Variants in GALNTL6 observed in about 807,000 individuals in gnomAD.
GALNTL6 encodes the protein polypeptide N-acetylgalactosaminyltransferase like 6, also known as polypeptide N-acetylgalactosaminyltransferase-like 6.
Under a neutral mutation model 73.7 loss-of-function variants are expected in GALNTL6, and 46 were observed. The observed-to-expected ratio is 0.62, with a 90% CI of 0.49 to 0.80. GALNTL6 has a LOEUF of 0.80. Among genes scored for constraint, GALNTL6 ranks in the 30% least tolerant of loss-of-function variants. The pLI, the probability that GALNTL6 is intolerant of heterozygous loss-of-function variation, is 0.00. For missense variants in GALNTL6, 604 were observed against 755.0 expected (o/e 0.80, Z 2.34); for synonymous variants, 259 against 263.7 (o/e 0.98, Z 0.17).
intron 2 of GALNTL6, among the ~76,000 whole-genome samples, chr4:171,958,917 A>G (rs966657020): frequency 1.3e-5 from 2 of 152,110 alleles, no homozygotes; most frequent in African/African-American, 2.4e-5. Flanking sequence ...GAAATGTCAA[A>G]AAGTATCTTA....
chr4:171,980,235 G>C (rs765615715), intron 2 of GALNTL6, among the ~76,000 whole-genome samples: 1 of 152,046 alleles, frequency 6.6e-6, no homozygotes, highest in African/African-American at 2.4e-5. Context: ...AGTAAACAGG[G>C]GTGGAAAAAT....
At chr4:173,011,058 G>A (rs1263552136) in intron 11 of GALNTL6, among the ~76,000 whole-genome samples, 1 of 152,072 alleles carries the variant, frequency 6.6e-6, no homozygotes, top group Non-Finnish European at 1.5e-5. Flanking sequence ...TTTCAACTGG[G>A]GTGAGATGAT....
At chr4:172,653,157 C>G (rs1579292279) in intron 5 of GALNTL6, among the ~76,000 whole-genome samples, 1 of 151,406 alleles carries the variant, frequency 6.6e-6, no homozygotes, top group East Asian at 1.9e-4. Context: ...CTGCGACTTT[C>G]TTCAACAAAT....
chr4:172,417,940 T>C (rs1202856177), intron 5 of GALNTL6, among the ~76,000 whole-genome samples: 1 of 152,182 alleles, frequency 6.6e-6, no homozygotes, highest in Non-Finnish European at 1.5e-5. Flanking sequence ...TCAAGTTTTT[T>C]TGAGTCTGTT....
intron 5 of GALNTL6, among the ~76,000 whole-genome samples, chr4:172,474,413 A>G (rs1160733496): frequency 6.6e-6 from 1 of 152,166 alleles, no homozygotes; most frequent in Non-Finnish European, 1.5e-5. Context: ...CTGTCTTCCT[A>G]TGGTAGAATG....
Position 172,037,208 on chromosome 4 carries a change from C to T in GALNTL6, c.139-192448C>T, listed in dbSNP as rs979842296. 2.0e-5 allele frequency among the ~76,000 whole-genome samples: 3 copies of T among 152,248 alleles called. 1 individual carries two copies. Among genetic ancestry groups the T allele is most frequent in the South Asian group, 4.2e-4 (2 of 4,818 alleles). ...CCCTGTCACTTAACGTGTATCAATACAATAGTTTATCTTCTCTGTGTTTAT... is the reference window on the plus strand; with the variant it reads ...CCCTGTCACTTAACGTGTATCAATATAATAGTTTATCTTCTCTGTGTTTAT... On this transcript the variant is annotated intron_variant, in intron 2 of 12. Transcript: ENST00000506823.
At chr4:172,870,358 C>G (rs1277267408) in intron 7 of GALNTL6, among the ~76,000 whole-genome samples, 4 of 152,160 alleles carry the variant, frequency 2.6e-5, no homozygotes, top group South Asian at 2.1e-4. Flanking sequence ...TAAACCACCA[C>G]GTCCAGCCTG....
intron 2 of GALNTL6, among the ~76,000 whole-genome samples, chr4:172,074,478 A>G (rs1731644079): frequency 6.8e-6 from 1 of 146,800 alleles, no homozygotes; most frequent in Non-Finnish European, 1.5e-5. Context: ...ATCATCCACA[A>G]TTGCCATCCA....
chr4:172,996,922 C>T (rs893924856), intron 10 of GALNTL6, among the ~76,000 whole-genome samples: 1 of 152,144 alleles, frequency 6.6e-6, no homozygotes, highest in African/African-American at 2.4e-5. Flanking sequence ...TATTGCTACT[C>T]CATGGTGCCT....
intron 8 of GALNTL6, among the ~76,000 whole-genome samples, chr4:172,911,834 C>T (rs2111264608): frequency 6.6e-6 from 1 of 152,292 alleles, no homozygotes; most frequent in East Asian, 1.9e-4. Context: ...TGTCTAATGG[C>T]ATTTTCCTAA....
intron 5 of GALNTL6, among the ~76,000 whole-genome samples, chr4:172,782,957 C>G (rs1739451227): frequency 6.6e-6 from 1 of 151,828 alleles, no homozygotes; most frequent in African/African-American, 2.4e-5. Flanking sequence ...CATGTATTTC[C>G]CAGGACAAAG....
chr4:172,829,877 A>G (rs1455947455), intron 7 of GALNTL6, among the ~76,000 whole-genome samples: 1 of 152,248 alleles, frequency 6.6e-6, no homozygotes, highest in African/African-American at 2.4e-5. Flanking sequence ...AAAGTCTGAG[A>G]AACGAAATCA....
At chr4:171,884,426 T>C (rs908984843) in intron 2 of GALNTL6, among the ~76,000 whole-genome samples, 6 of 152,070 alleles carry the variant, frequency 3.9e-5, no homozygotes, top group African/African-American at 1.4e-4. Context: ...GATACTGTTA[T>C]TATCATCTTA....
At chr4:172,660,352 G>T (rs1731300150) in intron 5 of GALNTL6, among the ~76,000 whole-genome samples, 1 of 152,256 alleles carries the variant, frequency 6.6e-6, no homozygotes, top group Admixed American at 6.5e-5. Flanking sequence ...GAAGATACAG[G>T]CATCTGTTTC....
chr4:172,779,368 A>G (rs11132968), intron 5 of GALNTL6, among the ~76,000 whole-genome samples: 79,565 of 151,896 alleles, frequency 0.52, 21,600 homozygotes, highest in East Asian at 0.78. Flanking sequence ...TCTCCTAAAT[A>G]CCTGGCAGAC....
chr4:172,552,183 TTC>T (rs1434366147), intron 5 of GALNTL6, among the ~76,000 whole-genome samples: 2 of 152,270 alleles, frequency 1.3e-5, no homozygotes, highest in African/African-American at 4.8e-5. Flanking sequence ...ACGTATCTTT[TTC>T]TCTGTGAAGT....
intron 2 of GALNTL6, among the ~76,000 whole-genome samples, chr4:171,941,400 T>C (rs1738540755): frequency 6.6e-6 from 1 of 152,250 alleles, no homozygotes. Flanking sequence ...CATTCTTCTC[T>C]TGAAATATGG....
At chr4:172,706,064 C>T (rs999083948) in intron 5 of GALNTL6, among the ~76,000 whole-genome samples, 2 of 152,010 alleles carry the variant, frequency 1.3e-5, no homozygotes, top group Non-Finnish European at 2.9e-5. Flanking sequence ...AAGCTTTCTA[C>T]CCCTTGCTCT....
At chr4:171,874,325 G>A (rs1736217440) in intron 2 of GALNTL6, among the ~76,000 whole-genome samples, 1 of 152,038 alleles carries the variant, frequency 6.6e-6, no homozygotes, top group African/African-American at 2.4e-5. Context: ...GAGTAGCTGG[G>A]ATTACAGGCA....
Sources: gnomAD v4.1 joint callset for allele counts (sites outside exome capture counted in the v4.1 genomes callset) on GRCh38, gnomAD v4.1.1 for gene constraint, MANE v1.5 for transcripts, NCBI Gene and HGNC (gene_info 2026-07-23, HGNC 2026-07-21) for gene names.